The following DMD variants were observed in gnomAD, a reference collection of about 807,000 sequenced individuals.
The protein encoded by DMD is mutant dystrophin.
DMD carries 63 observed loss-of-function variants against 330.1 expected under a neutral mutation model. That is an observed-to-expected ratio of 0.19 (90% CI 0.16 to 0.24). DMD has a LOEUF of 0.24. DMD is among the 10% of genes least tolerant of loss of function. DMD has a pLI of 1.00. For missense variants in DMD, 3,344 were observed against 2,684.1 expected, an observed-to-expected ratio of 1.25 and a Z score of -5.43; for synonymous variants, 1,223 against 959.8, an observed-to-expected ratio of 1.27 and a Z score of -5.07.
intron 44 of DMD, among the ~76,000 whole-genome samples, chrX:32,170,241 T>C (rs1406070814): frequency 1.8e-5 from 2 of 109,739 alleles, no homozygotes; most frequent in African/African-American, 3.3e-5. Flanking sequence ...GAGGCTGAGG[T>C]GGATGGATCA....
chrX:32,272,633 C>A (rs1334129221), intron 43 of DMD, among the ~76,000 whole-genome samples: 1 of 111,685 alleles, frequency 9.0e-6, no homozygotes, highest in African/African-American at 3.3e-5. Context: ...CTGGCACATA[C>A]TTCATGTGTG....
chrX:32,873,735 C>T (rs950566807), intron 2 of DMD, among the ~76,000 whole-genome samples: 2 of 111,848 alleles, frequency 1.8e-5, no homozygotes, highest in African/African-American at 6.5e-5. Context: ...TAGCCAAAAC[C>T]CTTTGCTTCT....
chrX:32,869,604 G>A (rs1272049827), intron 2 of DMD, among the ~76,000 whole-genome samples: 7 of 108,702 alleles, frequency 6.4e-5, no homozygotes. Flanking sequence ...CAATGCTACC[G>A]CAAGTATCAA....
Position 32,859,505 on chromosome X carries a change from A to ACG in DMD, c.94-9686_94-9685insCG, listed in dbSNP as rs1557094184. 1.9e-3 allele frequency among the ~76,000 whole-genome samples: 169 copies of ACG among 90,599 alleles called. 2 individuals carry two copies. The highest frequency in any genetic ancestry group is 8.2e-3 in the African/African-American group (168 of 20,551). 78.7% of individuals were successfully genotyped at this position (90,599 alleles called of 115,157 possible). On this transcript the variant is annotated intron_variant, in intron 2 of 78. Transcript: ENST00000357033. ...CACACACACACACACACACACACACACACACAAGTTAAAGTCTTTTCGATA... is the reference window on the plus strand; with the variant it reads ...CACACACACACACACACACACACACACGCACACAAGTTAAAGTCTTTTCGATA...
intron 43 of DMD, among the ~76,000 whole-genome samples, chrX:32,280,161 T>C (rs867665533): frequency 3.2e-5 from 1 of 31,639 alleles, no homozygotes; most frequent in East Asian, 1.5e-3. Context: ...TATATATATA[T>C]ACAGTATATA....
chrX:31,499,923 C>T (rs746906041), intron 56 of DMD, among the ~76,000 whole-genome samples: 8 of 112,202 alleles, frequency 7.1e-5, no homozygotes, highest in South Asian at 7.4e-4. Context: ...CCTCAAAAGA[C>T]GAAAAGCTCT....
At chrX:32,897,840 T>A (rs2085868153) in intron 2 of DMD, among the ~76,000 whole-genome samples, 1 of 103,406 alleles carries the variant, frequency 9.7e-6, no homozygotes, top group Non-Finnish European at 2.0e-5. Context: ...CCTCTGAACT[T>A]TTCTCCACTT....
chrX:31,988,446 C>T (rs1240076263), intron 44 of DMD, among the ~76,000 whole-genome samples: 3 of 82,921 alleles, frequency 3.6e-5, no homozygotes, highest in Non-Finnish European at 6.5e-5. Context: ...TGCACTCCAG[C>T]CTGGGCAACA....
chrX:32,695,157 C>A (rs768697701), intron 9 of DMD, among the ~76,000 whole-genome samples: 1 of 112,074 alleles, frequency 8.9e-6, no homozygotes, highest in Admixed American at 9.5e-5. Flanking sequence ...GTGTGCGTAA[C>A]GCAATATATA....
chrX:32,376,079 A>G (rs776951479), intron 34 of DMD, among the ~76,000 whole-genome samples: 4 of 111,195 alleles, frequency 3.6e-5, no homozygotes, highest in Non-Finnish European at 7.5e-5. Flanking sequence ...CAGGAGTTCG[A>G]GACCAGCCTG....
At chrX:31,335,322 T>C (rs2057356706) in intron 61 of DMD, among the ~76,000 whole-genome samples, 1 of 112,480 alleles carries the variant, frequency 8.9e-6, no homozygotes, top group Non-Finnish European at 1.9e-5. Context: ...TTCTTTCATT[T>C]TATTAGACTG....
At chrX:32,679,066 A>G (rs980306011) in intron 9 of DMD, among the ~76,000 whole-genome samples, 1 of 112,133 alleles carries the variant, frequency 8.9e-6, no homozygotes, top group African/African-American at 3.2e-5. Flanking sequence ...TGAAAAATTT[A>G]AAGTTATAAA....
chrX:31,175,136 G>C (rs1201762963), intron 71 of DMD, among the ~76,000 whole-genome samples: 10 of 110,954 alleles, frequency 9.0e-5, no homozygotes, highest in African/African-American at 2.9e-4. Context: ...ATTAATACTT[G>C]GATTATTTGT....
At chrX:32,574,482 A>G (rs1172101829) in intron 13 of DMD, among the ~76,000 whole-genome samples, 3 of 112,057 alleles carry the variant, frequency 2.7e-5, no homozygotes, top group Non-Finnish European at 3.8e-5. Context: ...ACACTATTTT[A>G]ATATGTAACA....
At position 31,932,145 on chromosome X, in the gene DMD, T is replaced by C. The variant is rs2150001553; in HGVS notation, c.6697A>G (p.Ile2233Val). ...FVLWLEEADN[I>V]ASIPLEPGKE... ...CCAGGTTCAAGTGGGATACTAGCAA[T>C]GTTATCTGCTTCCTCCAACCATAAA... Residue 2233 changes from isoleucine to valine, a missense_variant, in exon 46 of 79, where the codon ATT becomes GTT. Ile to Val is a conservative substitution (Grantham distance 29). Transcript: ENST00000357033. 2.5e-6 allele frequency: 3 copies of C among 1,199,648 alleles called. No homozygotes were observed. The highest frequency in any genetic ancestry group is 2.3e-6 in the Non-Finnish European group (2 of 884,448).
intron 7 of DMD, among the ~76,000 whole-genome samples, chrX:32,774,552 C>A (rs1187437318): frequency 9.0e-6 from 1 of 110,991 alleles, no homozygotes; most frequent in Non-Finnish European, 1.9e-5. Context: ...TGGTGAAAGG[C>A]AAAGGGGAAG....
intron 53 of DMD, among the ~76,000 whole-genome samples, chrX:31,674,357 G>A (rs975664593): frequency 8.9e-6 from 1 of 112,341 alleles, no homozygotes; most frequent in African/African-American, 3.2e-5. Flanking sequence ...TTAATTATGT[G>A]ATTATAGAAT....
intron 44 of DMD, among the ~76,000 whole-genome samples, chrX:32,203,908 C>T (rs951095949): frequency 9.0e-6 from 1 of 111,547 alleles, no homozygotes; most frequent in Non-Finnish European, 1.9e-5. Context: ...TCTTTTAATA[C>T]ACTATGGGTC....
chrX:32,661,791 TAAA>T (rs1442624623), intron 9 of DMD, among the ~76,000 whole-genome samples: 1 of 111,200 alleles, frequency 9.0e-6, no homozygotes, highest in Non-Finnish European at 1.9e-5. Flanking sequence ...TATATAAAAA[TAAA>T]AAATGAACTA....
Sources: allele counts gnomAD v4.1 joint callset (sites outside exome capture counted in the v4.1 genomes callset), GRCh38; gene constraint gnomAD v4.1.1; transcripts MANE v1.5; gene names NCBI Gene and HGNC (gene_info 2026-07-23, HGNC 2026-07-21).